ERICH6B: variants seen among roughly 807,000 people sequenced by gnomAD.
ERICH6B encodes the protein glutamate rich 6B.
In ERICH6B, 69 loss-of-function variants were observed where a neutral mutation model predicts 80.0. The observed-to-expected ratio is 0.86, with a 90% CI of 0.71 to 1.05. The LOEUF (loss-of-function observed/expected upper bound fraction) is 1.05. Ranked by LOEUF, ERICH6B falls within the 50% of genes least tolerant of loss-of-function variation. ERICH6B has a pLI of 0.00. For synonymous variants in ERICH6B, 283 were observed against 291.9 expected, an observed-to-expected ratio of 0.97 and a Z score of 0.31; for missense variants, 754 against 796.1, an observed-to-expected ratio of 0.95 and a Z score of 0.64.
Position 45,561,480 on chromosome 13 carries a change from G to A in ERICH6B, c.1296C>T (p.Ser432=). The A allele has an allele frequency of 1.3e-6, 2 of 1,551,968 alleles. No individual in the cohort carries two copies. Among genetic ancestry groups the A allele is most frequent in the East Asian group, 2.4e-5 (1 of 40,922 alleles). The change falls in exon 11 of 15, where the codon AGC becomes AGT. Residue 432 remains serine (S), a synonymous_variant. Transcript: ENST00000298738. ...EMTSFTFHLM[S]KPTPEKPETE... ...TCTCAGGCTTCTCAGGTGTTGGTTT[G>A]CTCATTAAATGAAATGTGAAACTGG... is the stretch of plus-strand genomic sequence containing the variant.
chr13:45,553,155 T>C (rs57303525), intron 11 of ERICH6B: 17,350 of 294,384 alleles, frequency 0.059, 2,163 homozygotes, highest in African/African-American at 0.3. Flanking sequence ...AGTATGTTTA[T>C]TAGTCACCGT....
intron 7 of ERICH6B, among the ~76,000 whole-genome samples, chr13:45,576,694 G>A (rs144736027): frequency 9.0e-4 from 137 of 152,038 alleles, no homozygotes; most frequent in Middle Eastern, 3.4e-3. Context: ...CCCATCATTT[G>A]CGATTGCCAT....
At chr13:45,606,540 TATA>T (rs1367819220) in intron 2 of ERICH6B, among the ~76,000 whole-genome samples, 37 of 16,468 alleles carry the variant, frequency 2.2e-3, no homozygotes, top group Admixed American at 0.01. Flanking sequence ...TATATATATA[TATA>T]TATATTTTTT....
intron 10 of ERICH6B, 23 bp from the exon 11 acceptor site, chr13:45,561,549 C>T: frequency 1.3e-6 from 2 of 1,549,252 alleles, no homozygotes; most frequent in African/African-American, 1.4e-5. Flanking sequence ...TCAACGATTG[C>T]ATTGAATAAG....
chr13:45,542,231 C>T (rs1022021342), intron 14 of ERICH6B, among the ~76,000 whole-genome samples: 1 of 152,170 alleles, frequency 6.6e-6, no homozygotes, highest in Non-Finnish European at 1.5e-5. Flanking sequence ...GGACGATACC[C>T]GTGTGCTCCA....
At position 45,541,333 on chromosome 13, in the gene ERICH6B, G is replaced by T; in HGVS notation, c.*129C>A. On this transcript the variant is annotated 3_prime_UTR_variant, in exon 15 of 15. Transcript: ENST00000298738. ...AAAAATGTTTACTTCAAATCAAGGA[G>T]CCACGACAGGTCCCAAATTACAAAC... 2.6e-6 allele frequency: 2 copies of T among 766,324 alleles called. No individual in the cohort carries two copies. The highest frequency in any genetic ancestry group is 5.6e-5 in the Admixed American group (2 of 35,864). The allele number at this position is 766,324 out of a possible 1,614,324, so 47.5% of individuals were successfully genotyped here. A position where few individuals can be genotyped will look rare whatever the true frequency, so the allele number is the denominator to read the frequency against.
At chr13:45,605,508 C>G (rs778965826) in intron 2 of ERICH6B, among the ~76,000 whole-genome samples, 1 of 152,194 alleles carries the variant, frequency 6.6e-6, no homozygotes, top group African/African-American at 2.4e-5. Flanking sequence ...TTATAGATGA[C>G]AGCACTAAGG....
At chr13:45,582,239 G>A (rs142988619) in intron 5 of ERICH6B, among the ~76,000 whole-genome samples, 3 of 152,288 alleles carry the variant, frequency 2.0e-5, no homozygotes, top group South Asian at 4.1e-4. Flanking sequence ...AACTGAACGC[G>A]CCATTCCAGG....
At chr13:45,579,883 G>T (rs1186648835) in intron 7 of ERICH6B, 50 bp downstream of exon 7, 30 of 1,538,510 alleles carry the variant, frequency 1.9e-5, no homozygotes, top group Non-Finnish European at 2.6e-5. Flanking sequence ...CCCACCCAGG[G>T]CACTCTGAAG....
At position 45,550,347 on chromosome 13, in the gene ERICH6B, G is replaced by A. The variant is rs182497563; in HGVS notation, c.1408-31C>T. ...AAGAAAAGACAAGCCTATGAAAAGT[G>A]TGAAAAGTACATGGGTACCAACTGT... On this transcript the variant is annotated intron_variant, in intron 11 of 14. Transcript: ENST00000298738. 164 of 1,529,734 alleles carry A rather than the reference G, an allele frequency of 1.1e-4. No homozygotes were observed. The East Asian group carries it at 3.8e-3, about 36-fold the overall frequency. 94.8% of individuals were successfully genotyped at this position (1,529,734 alleles called of 1,614,324 possible). A position where few individuals can be genotyped will look rare whatever the true frequency, so the allele number is the denominator to read the frequency against.
At chr13:45,590,034 G>A (rs376492508) in intron 4 of ERICH6B, among the ~76,000 whole-genome samples, 13 of 152,242 alleles carry the variant, frequency 8.5e-5, no homozygotes, top group East Asian at 1.9e-4. Context: ...AACTGGTCCC[G>A]TGCTTTTTTT....
intron 2 of ERICH6B, among the ~76,000 whole-genome samples, chr13:45,599,279 G>A (rs1949809845): frequency 6.6e-6 from 1 of 152,228 alleles, no homozygotes; most frequent in Non-Finnish European, 1.5e-5. Context: ...GGGAAAGTTG[G>A]CCGTGTGGAG....
intron 8 of ERICH6B, among the ~76,000 whole-genome samples, chr13:45,573,420 G>A (rs1593788049): frequency 1.3e-5 from 2 of 152,188 alleles, no homozygotes; most frequent in Middle Eastern, 3.2e-3. Context: ...GTATACAGCA[G>A]TTATTTCATT....
Position 45,550,354 on chromosome 13 carries a change from G to A in ERICH6B, c.1408-38C>T, listed in dbSNP as rs1052464049. 2.7e-6 allele frequency: 4 copies of A among 1,501,634 alleles called. No homozygotes were observed. The Admixed American group carries it at 5.9e-5, about 22-fold the overall frequency. The allele number at this position is 1,501,634 out of a possible 1,614,324, so 93.0% of individuals were successfully genotyped here. A position where few individuals can be genotyped will look rare whatever the true frequency, so the allele number is the denominator to read the frequency against. On this transcript the variant is annotated intron_variant, in intron 11 of 14. Coordinates refer to ENST00000298738, the MANE Select transcript of ERICH6B (RefSeq NM_182542.3). Reference sequence around the variant, plus strand: ...GACAAGCCTATGAAAAGTGTGAAAAGTACATGGGTACCAACTGTCCTACTG... The same window carrying A: ...GACAAGCCTATGAAAAGTGTGAAAAATACATGGGTACCAACTGTCCTACTG...
chr13:45,590,535 CCTT>C lies in ERICH6B; in HGVS notation c.686+111_686+113del, dbSNP rs878870685. On this transcript the variant is annotated intron_variant, in intron 4 of 14. Coordinates refer to ENST00000298738, the MANE Select transcript of ERICH6B (RefSeq NM_182542.3). ...AACTTCCAGGAACCCCCACTAAACT[CCTT>C]CTTCCTCCCCTACTCCATGCCACTC... 7.1e-5 allele frequency: 71 copies of C among 993,456 alleles called. No individual in the cohort carries two copies. The South Asian group carries it at 9.6e-4, about 13-fold the overall frequency. The allele number at this position is 993,456 out of a possible 1,614,324, so 61.5% of individuals were successfully genotyped here. A position where few individuals can be genotyped will look rare whatever the true frequency, so the allele number is the denominator to read the frequency against.
chr13:45,614,489 A>G (rs1193702762), intron 1 of ERICH6B, among the ~76,000 whole-genome samples: 3 of 152,136 alleles, frequency 2.0e-5, no homozygotes, highest in Non-Finnish European at 4.4e-5. Context: ...GCTGACCACA[A>G]ATGAAATTTC....
intron 7 of ERICH6B, among the ~76,000 whole-genome samples, chr13:45,577,396 G>A (rs1201815245): frequency 1.4e-5 from 2 of 140,350 alleles, no homozygotes; most frequent in African/African-American, 5.2e-5. Context: ...CCATTCTCCT[G>A]CCTCAGCTTC....
chr13:45,598,343 G>A (rs972635811), intron 2 of ERICH6B, among the ~76,000 whole-genome samples: 1 of 152,210 alleles, frequency 6.6e-6, no homozygotes, highest in Non-Finnish European at 1.5e-5. Flanking sequence ...GTGACTGAAT[G>A]AAGGGCCAAG....
Position 45,587,116 on chromosome 13 carries a change from A to C in ERICH6B, c.803T>G (p.Leu268Trp). ...ATESSELLLT[L>W]YRRSQASQTD... is the part of the protein sequence containing the mutation. ...CTGACTGGCCTGGCTCCTCCTGTAC[A>C]ATGTCAGAAGCAACTCAGAAGACTC... Residue 268 changes from leucine to tryptophan, a missense_variant, in exon 5 of 15, where the codon TTG (leucine) becomes TGG (tryptophan). Coordinates refer to ENST00000298738, the MANE Select transcript of ERICH6B (RefSeq NM_182542.3). 6.4e-7 allele frequency: 1 copy of C among 1,551,702 alleles called. No homozygotes were observed. Among genetic ancestry groups the C allele is most frequent in the Non-Finnish European group, 8.7e-7 (1 of 1,146,984 alleles).
Sources: gnomAD v4.1 joint callset for allele counts (sites outside exome capture counted in the v4.1 genomes callset) on GRCh38, gnomAD v4.1.1 for gene constraint, MANE v1.5 for transcripts, NCBI Gene and HGNC (gene_info 2026-07-23, HGNC 2026-07-21) for gene names.